Variants in CLCN6 observed in about 807,000 individuals in gnomAD.
CLCN6 encodes the protein H(+)/Cl(-) exchange transporter 6.
Under a neutral mutation model 109.8 loss-of-function variants are expected in CLCN6, and 70 were observed. The ratio of observed to expected loss-of-function variants is 0.64; its 90% CI spans 0.53 to 0.78. The LOEUF is 0.78. Among genes scored for constraint, CLCN6 ranks in the 30% least tolerant of loss-of-function variants. The pLI, the probability that CLCN6 is intolerant of heterozygous loss-of-function variation, is 0.00. For missense variants in CLCN6, 984 were observed against 1,142.3 expected, an observed-to-expected ratio of 0.86 and a Z score of 2.00; for synonymous variants, 444 against 447.8, an observed-to-expected ratio of 0.99 and a Z score of 0.11.
In CLCN6 at chr1:11,838,528, T is replaced by C; in HGVS notation, c.2404-7T>C. The C allele has an allele frequency of 6.2e-7, 1 of 1,607,426 alleles. No individual in the cohort carries two copies. The highest frequency in any genetic ancestry group is 8.5e-7 in the Non-Finnish European group (1 of 1,174,476). ...CAGGCAGTCAGTGACACGTGGTCTCTTTGCAGGATGTCACCCCATACATGA... is the reference window on the plus strand; with the variant it reads ...CAGGCAGTCAGTGACACGTGGTCTCCTTGCAGGATGTCACCCCATACATGA... On this transcript the variant is annotated splice_polypyrimidine_tract_variant and splice_region_variant and intron_variant, in intron 21 of 22. Coordinates refer to ENST00000346436, the MANE Select transcript of CLCN6 (RefSeq NM_001286.5).
At position 11,827,173 on chromosome 1, in the gene CLCN6, T is replaced by A. The variant is rs1022444533; in HGVS notation, c.792T>A (p.Ser264Arg). ...CGCCAATCGGGGGTACCTTGTTCAG[T>A]CTAGAGGAGGGTTCGTCCTTCTGGA... ...FGAPIGGTLF[S>R]LEEGSSFWNQ... Residue 264 changes from serine to arginine, a missense_variant, in exon 10 of 23, where the codon AGT (serine) becomes AGA (arginine). Transcript: ENST00000346436. 6.2e-7 allele frequency: 1 copy of A among 1,613,724 alleles called. No individual in the cohort carries two copies. The highest frequency in any genetic ancestry group is 8.5e-7 in the Non-Finnish European group (1 of 1,179,870).
chr1:11,810,525 T>G (rs1175403883), intron 2 of CLCN6, among the ~76,000 whole-genome samples: 1 of 152,190 alleles, frequency 6.6e-6, no homozygotes, highest in African/African-American at 2.4e-5. Flanking sequence ...TTGGGGCTGG[T>G]TCAGCCCCCA....
rs1000193112 is a variant in CLCN6, at chr1:11,824,627, T to C, written c.648+74T>C. 29 of 1,214,680 alleles carry C rather than the reference T, an allele frequency of 2.4e-5. No homozygotes were observed. The East Asian group carries it at 3.3e-4, about 14-fold the overall frequency. The allele number at this position is 1,214,680 out of a possible 1,614,324, so 75.2% of individuals were successfully genotyped here. A position where few individuals can be genotyped will look rare whatever the true frequency, so the allele number is the denominator to read the frequency against. ...GTCTGGTTACACTGGGCCAAATCCA[T>C]TGGGACACCCTGACATCACATTGGA... On this transcript the variant is annotated intron_variant, in intron 8 of 22. Transcript: ENST00000346436.
At chr1:11,821,260 C>G (rs1644739675) in intron 5 of CLCN6, among the ~76,000 whole-genome samples, 1 of 151,804 alleles carries the variant, frequency 6.6e-6, no homozygotes, top group Non-Finnish European at 1.5e-5. Context: ...TAATTAGTAT[C>G]CAGAATACAG....
intron 22 of CLCN6, chr1:11,839,068 T>G (rs1056474282): frequency 1.7e-6 from 1 of 593,350 alleles, no homozygotes. Context: ...AGACTTTCCT[T>G]TTTTCTTCTT....
At chr1:11,824,382 C>T in intron 7 of CLCN6, 104 bp from the exon 8 acceptor site, 1 of 794,070 alleles carries the variant, frequency 1.3e-6, no homozygotes, top group East Asian at 2.6e-5. Flanking sequence ...GTCTTAGGAT[C>T]ATCTCTGTTC....
chr1:11,826,366 T>G (rs1644811714), intron 9 of CLCN6, 152 bp downstream of exon 9: 1 of 656,038 alleles, frequency 1.5e-6, no homozygotes. Flanking sequence ...CTTCTGGAAA[T>G]AAGAAGCCAA....
Position 11,828,628 on chromosome 1 carries a change from T to C in CLCN6, c.1121+4T>C. 1 of 1,597,152 alleles carries C rather than the reference T, an allele frequency of 6.3e-7. No individual in the cohort carries two copies. The highest frequency in any genetic ancestry group is 8.5e-7 in the Non-Finnish European group (1 of 1,171,188). Reference sequence around the variant, plus strand: ...ACCCGAAACCTAAGCTCGTCAGGTATCTGCACAGTCGCCTCCCCCCCGAGC... The same window carrying C: ...ACCCGAAACCTAAGCTCGTCAGGTACCTGCACAGTCGCCTCCCCCCCGAGC... On this transcript the variant is annotated splice_donor_region_variant and intron_variant, in intron 12 of 22. Transcript: ENST00000346436.
intron 5 of CLCN6, chr1:11,820,463 C>T (rs1012583969): frequency 4.3e-6 from 3 of 697,104 alleles, no homozygotes; most frequent in Non-Finnish European, 8.0e-6. Context: ...AAGGCACAGA[C>T]TATAAGAAAA....
rs1644809369 is a variant in CLCN6 at position 11,826,183 on chromosome 1, C to A, written c.676C>A (p.Gln226Lys). The A allele has an allele frequency of 1.2e-6, 2 of 1,613,854 alleles. No individual in the cohort carries two copies. The highest frequency in any genetic ancestry group is 1.3e-5 in the African/African-American group (1 of 74,882). Residue 226 changes from glutamine (Q) to lysine (K), a missense_variant, in exon 9 of 23, where the codon CAG becomes AAG. Physicochemically the swap from Gln to Lys is moderately conservative, Grantham distance 53. Coordinates refer to ENST00000346436, the MANE Select transcript of CLCN6 (RefSeq NM_001286.5). ...TCAGAGCATCTCCTTACGGAAGATC[C>A]AGTTTAACTTCCCCTATTTCCGAAG... ...QFQSISLRKI[Q>K]FNFPYFRSDR... is the part of the protein sequence containing the mutation.
At position 11,820,572 on chromosome 1, in the gene CLCN6, C is replaced by T. The variant is rs192735625; in HGVS notation, c.346+1018C>T. 4.6e-4 allele frequency: 223 copies of T among 486,916 alleles called. 2 individuals are homozygous for T. Among genetic ancestry groups the T allele is most frequent in the African/African-American group, 3.2e-3 (163 of 51,068 alleles). The allele number at this position is 486,916 out of a possible 1,614,324, so 30.2% of individuals were successfully genotyped here. On this transcript the variant is annotated intron_variant, in intron 5 of 22. Coordinates refer to ENST00000346436, the MANE Select transcript of CLCN6 (RefSeq NM_001286.5). ...ACAAGGTCAGGAGATTGAGACCATC[C>T]TGGCTAACACGGTGAAACCCCGTCT...
chr1:11,838,519 C>A lies in CLCN6; in HGVS notation c.2404-16C>A. The A allele has an allele frequency of 6.2e-7, 1 of 1,607,200 alleles. No homozygotes were observed. Among genetic ancestry groups the A allele is most frequent in the Non-Finnish European group, 8.5e-7 (1 of 1,174,322 alleles). ...TTGGCGTCTCAGGCAGTCAGTGACACGTGGTCTCTTTGCAGGATGTCACCC... is the reference window on the plus strand; with the variant it reads ...TTGGCGTCTCAGGCAGTCAGTGACAAGTGGTCTCTTTGCAGGATGTCACCC... On this transcript the variant is annotated splice_polypyrimidine_tract_variant and intron_variant, in intron 21 of 22. Transcript: ENST00000346436.
intron 8 of CLCN6, 40 bp from the exon 9 acceptor site, chr1:11,826,116 T>G: frequency 2.0e-6 from 3 of 1,486,876 alleles, no homozygotes; most frequent in Non-Finnish European, 2.8e-6. Context: ...TTTGGTTATA[T>G]GAGTAGGCTC....
At position 11,837,515 on chromosome 1, in the gene CLCN6, G is replaced by T. The variant is rs770399116; in HGVS notation, c.2295+16G>T. On this transcript the variant is annotated intron_variant, in intron 20 of 22. Coordinates refer to ENST00000346436, the MANE Select transcript of CLCN6 (RefSeq NM_001286.5). ...AAGCCAGTCGGTAAGTCTCTCCGAGGCAGAAATCAGCCAGGCCAGACCTGA... is the reference window on the plus strand; with the variant it reads ...AAGCCAGTCGGTAAGTCTCTCCGAGTCAGAAATCAGCCAGGCCAGACCTGA... The T allele has an allele frequency of 2.5e-6, 4 of 1,610,202 alleles. No individual in the cohort carries two copies. The highest frequency in any genetic ancestry group is 1.7e-5 in the Admixed American group (1 of 59,898).
chr1:11,826,952 A>T, intron 9 of CLCN6, 137 bp from the exon 10 acceptor site: 1 of 1,075,038 alleles, frequency 9.3e-7, no homozygotes, highest in Non-Finnish European at 1.3e-6. Context: ...AGGCTGCCTC[A>T]CCAGTGACCT....
At chr1:11,819,742 T>C (rs1483397084) in intron 5 of CLCN6, among the ~76,000 whole-genome samples, 188 bp downstream of exon 5, 1 of 152,216 alleles carries the variant, frequency 6.6e-6, no homozygotes, top group East Asian at 1.9e-4. Flanking sequence ...CATATACCTA[T>C]GTTTGTGGTT....
Position 11,840,914 on chromosome 1 carries a change from G to A in CLCN6, c.*691G>A, listed in dbSNP as rs1645011806. 6.5e-6 allele frequency: 1 copy of A among 152,724 alleles called. No individual in the cohort carries two copies. The highest frequency in any genetic ancestry group is 2.1e-4 in the South Asian group (1 of 4,848). The allele number at this position is 152,724 out of a possible 1,614,324, so 9.5% of individuals were successfully genotyped here. A position where few individuals can be genotyped will look rare whatever the true frequency, so the allele number is the denominator to read the frequency against. On this transcript the variant is annotated 3_prime_UTR_variant, in exon 23 of 23. Transcript: ENST00000346436. Reference sequence around the variant, plus strand: ...CCCCTGGATGGTCAATCTGATAATAGGATCAGATTTACGTCTACCCTAATT... The same window carrying A: ...CCCCTGGATGGTCAATCTGATAATAAGATCAGATTTACGTCTACCCTAATT...
At chr1:11,829,438 T>C (rs1335282327) in intron 13 of CLCN6, 116 bp downstream of exon 13, 15 of 1,202,984 alleles carry the variant, frequency 1.2e-5, no homozygotes, top group Non-Finnish European at 1.8e-5. Flanking sequence ...CCACACCCAT[T>C]ACCTGAGCGT....
In CLCN6 at chr1:11,834,503, A is replaced by G. The variant is rs201930853; in HGVS notation, c.1706A>G (p.Asp569Gly). ...VTLMVAKWTG[D>G]FFNKGIYDIH... ...TTTCAGGTGGCCAAATGGACAGGGGACTTTTTCAATAAGGGCATTTATGAT... is the reference window on the plus strand; with the variant it reads ...TTTCAGGTGGCCAAATGGACAGGGGGCTTTTTCAATAAGGGCATTTATGAT... Residue 569 changes from aspartate (D) to glycine (G), a missense_variant, in exon 17 of 23, where the codon GAC (aspartate) becomes GGC (glycine). Physicochemically the swap from Asp to Gly is moderately conservative, Grantham distance 94. Transcript: ENST00000346436. The surrounding 1 kb of genome is among the most constrained non-coding windows in gnomAD (Gnocchi z 4.5). 1 of 1,613,980 alleles carries G rather than the reference A, an allele frequency of 6.2e-7. No individual in the cohort carries two copies. The highest frequency in any genetic ancestry group is 2.2e-5 in the East Asian group (1 of 44,860).
Sources: gnomAD v4.1 joint callset for allele counts (sites outside exome capture counted in the v4.1 genomes callset) on GRCh38, gnomAD v4.1.1 for gene constraint, Gnocchi (gnomAD v3.1) non-coding constraint, MANE v1.5 for transcripts, NCBI Gene and HGNC (gene_info 2026-07-23, HGNC 2026-07-21) for gene names.